Variants in NRG3 observed in about 807,000 individuals in gnomAD.
The protein encoded by NRG3 is neuregulin 3.
NRG3 carries 31 observed loss-of-function variants against 66.9 expected under a neutral mutation model. That is an observed-to-expected ratio of 0.46 (90% CI 0.35 to 0.63). NRG3 has a LOEUF of 0.63. Among genes scored for constraint, NRG3 ranks in the 20% least tolerant of loss-of-function variants. The pLI, the probability that NRG3 is intolerant of heterozygous loss-of-function variation, is 0.00. For synonymous variants in NRG3, 393 were observed against 359.4 expected (o/e 1.09, Z -1.06); for missense variants, 910 against 878.9 (o/e 1.04, Z -0.45).
intron 1 of NRG3, among the ~76,000 whole-genome samples, chr10:82,181,866 G>A (rs181063834): frequency 9.4e-4 from 143 of 151,860 alleles, no homozygotes; most frequent in Non-Finnish European, 1.8e-3. Flanking sequence ...AGGTTCTACT[G>A]TTATTGTGTT....
At chr10:82,747,851 A>G (rs990171837) in intron 3 of NRG3, among the ~76,000 whole-genome samples, 5 of 151,880 alleles carry the variant, frequency 3.3e-5, no homozygotes, top group African/African-American at 1.2e-4. Context: ...AAAGTAGTTC[A>G]TATGGGCTAA....
intron 2 of NRG3, among the ~76,000 whole-genome samples, chr10:82,495,904 T>C (rs1843587434): frequency 6.6e-6 from 1 of 151,860 alleles, no homozygotes; most frequent in African/African-American, 2.4e-5. Context: ...CTAAAAACAT[T>C]CTCAGTGAGT....
At chr10:82,098,790 G>T (rs1041406587) in intron 1 of NRG3, among the ~76,000 whole-genome samples, 6 of 152,072 alleles carry the variant, frequency 3.9e-5, no homozygotes, top group Non-Finnish European at 8.8e-5. Flanking sequence ...TTGAGGCGGA[G>T]TCCTGTTCTG....
chr10:82,769,166 T>G (rs2059623219), intron 3 of NRG3, among the ~76,000 whole-genome samples: 1 of 152,136 alleles, frequency 6.6e-6, no homozygotes, highest in African/African-American at 2.4e-5. Context: ...TACCAACCTA[T>G]ATGTTTTTGC....
chr10:82,806,561 G>A (rs2061292896), intron 3 of NRG3, among the ~76,000 whole-genome samples: 1 of 152,162 alleles, frequency 6.6e-6, no homozygotes, highest in African/African-American at 2.4e-5. Context: ...CTGATGATTA[G>A]TTGAGACTTT....
rs140825293 is a variant in NRG3 at position 82,973,216 on chromosome 10, T to C, written c.1285-572T>C. Among the ~76,000 whole-genome samples, 148 of 152,330 alleles carry C rather than the reference T, an allele frequency of 9.7e-4. 3 individuals are homozygous for C. In the East Asian group the frequency reaches 0.023, roughly 24 times the overall value. ...GGCTTCTATATCTTATAAGCTATTA[T>C]AGTCAAAGGAGAAACCAAGAGTTCT... On this transcript the variant is annotated intron_variant, in intron 6 of 8. Coordinates refer to ENST00000372141, the MANE Select transcript of NRG3 (RefSeq NM_001010848.4).
chr10:82,907,739 G>T (rs1433284730), intron 4 of NRG3, among the ~76,000 whole-genome samples: 2 of 151,940 alleles, frequency 1.3e-5, no homozygotes, highest in Non-Finnish European at 2.9e-5. Context: ...AATTCCACAG[G>T]TATTTTTTAA....
chr10:82,700,011 A>AAGGATGGT (rs2055737151), intron 2 of NRG3, among the ~76,000 whole-genome samples: 2 of 152,180 alleles, frequency 1.3e-5, no homozygotes, highest in Non-Finnish European at 2.9e-5. Context: ...ATAAGCCATC[A>AAGGATGGT]CACTTTGACC....
chr10:82,244,618 G>A (rs1424512502), intron 1 of NRG3, among the ~76,000 whole-genome samples: 3 of 151,886 alleles, frequency 2.0e-5, no homozygotes, highest in South Asian at 2.1e-4. Context: ...GTAAAGCAGC[G>A]GTCCACAACC....
chr10:82,460,767 AC>A (rs973866756), intron 2 of NRG3, among the ~76,000 whole-genome samples: 6 of 151,988 alleles, frequency 3.9e-5, no homozygotes, highest in African/African-American at 1.5e-4. Flanking sequence ...TCCCTGTGTG[AC>A]CCTGCTAGAG....
intron 1 of NRG3, among the ~76,000 whole-genome samples, chr10:82,087,089 G>A (rs2065769984): frequency 6.6e-6 from 1 of 152,090 alleles, no homozygotes; most frequent in Non-Finnish European, 1.5e-5. Context: ...AAGCAAAAAG[G>A]TAACTCAGGC....
intron 2 of NRG3, among the ~76,000 whole-genome samples, chr10:82,631,035 T>C (rs190333132): frequency 1.6e-4 from 24 of 152,312 alleles, no homozygotes; most frequent in Admixed American, 1.4e-3. Flanking sequence ...GCAAAAACAG[T>C]GTATGCCTTT....
chr10:82,479,094 T>A (rs1842019918), intron 2 of NRG3, among the ~76,000 whole-genome samples: 1 of 152,188 alleles, frequency 6.6e-6, no homozygotes, highest in African/African-American at 2.4e-5. Context: ...AGAGAAATAG[T>A]CCTTTGAAAT....
chr10:82,362,138 A>AGTT (rs1250837932), intron 2 of NRG3, among the ~76,000 whole-genome samples: 1 of 138,186 alleles, frequency 7.2e-6, no homozygotes, highest in East Asian at 2.4e-4. Context: ...AAAAGGGAGG[A>AGTT]GTTGAAAGTG....
At chr10:81,968,205 T>C (rs1405053071) in intron 1 of NRG3, among the ~76,000 whole-genome samples, 2 of 152,232 alleles carry the variant, frequency 1.3e-5, no homozygotes, top group East Asian at 3.9e-4. Flanking sequence ...GCCTCAAGCC[T>C]CCTAGGGCCT....
chr10:82,954,719 G>A (rs1849867709), intron 5 of NRG3, among the ~76,000 whole-genome samples: 2 of 150,942 alleles, frequency 1.3e-5, no homozygotes. Flanking sequence ...TTCTTTGCTT[G>A]AGAGAAATGC....
At chr10:82,033,379 T>A (rs1022424485) in intron 1 of NRG3, among the ~76,000 whole-genome samples, 3 of 152,090 alleles carry the variant, frequency 2.0e-5, no homozygotes, top group African/African-American at 2.4e-5. Context: ...CCATTAAGAT[T>A]TTGCTCAAGC....
chr10:82,764,374 A>AT (rs58671270), intron 3 of NRG3, among the ~76,000 whole-genome samples: 127 of 134,454 alleles, frequency 9.4e-4, no homozygotes, highest in African/African-American at 1.2e-3. Context: ...CCCTATGCAA[A>AT]TTTTTTTTTT....
At chr10:82,048,496 A>G (rs2063423980) in intron 1 of NRG3, among the ~76,000 whole-genome samples, 2 of 151,968 alleles carry the variant, frequency 1.3e-5, no homozygotes, top group South Asian at 4.2e-4. Context: ...CTCCTGAATG[A>G]CTACTGGGTA....
Sources: allele counts gnomAD v4.1 joint callset (sites outside exome capture counted in the v4.1 genomes callset), GRCh38; gene constraint gnomAD v4.1.1; transcripts MANE v1.5; gene names NCBI Gene and HGNC (gene_info 2026-07-23, HGNC 2026-07-21).